The following DHCR24 variants were observed in gnomAD, a reference collection of about 807,000 sequenced individuals.
DHCR24 encodes the protein delta(24)-sterol reductase.
DHCR24 carries 28 observed loss-of-function variants against 61.2 expected under a neutral mutation model. That is an observed-to-expected ratio of 0.46 (90% confidence interval 0.34 to 0.63). DHCR24 has a LOEUF of 0.63. Among genes scored for constraint, DHCR24 ranks in the 20% least tolerant of loss-of-function variants. The probability of loss-of-function intolerance (pLI) is 0.01; values close to 1 mark genes in which losing one functional copy is unlikely to be tolerated. For missense variants in DHCR24, 538 were observed against 679.1 expected, an observed-to-expected ratio of 0.79 and a Z score of 2.31; for synonymous variants, 261 against 275.9, an observed-to-expected ratio of 0.95 and a Z score of 0.54.
intron 6 of DHCR24, among the ~76,000 whole-genome samples, chr1:54,859,534 C>T (rs561196213): frequency 7.0e-4 from 106 of 152,026 alleles, no homozygotes; most frequent in Non-Finnish European, 1.3e-3. Context: ...AGTACACTGG[C>T]GTGATCTTGG....
At chr1:54,878,005 C>CAAA (rs34579917) in intron 2 of DHCR24, among the ~76,000 whole-genome samples, 1 of 111,788 alleles carries the variant, frequency 8.9e-6, no homozygotes, top group African/African-American at 3.2e-5. Flanking sequence ...GACTCTGTCT[C>CAAA]AAAAAAAAAA....
chr1:54,861,737 C>A (rs922811473), intron 6 of DHCR24, among the ~76,000 whole-genome samples: 1 of 152,192 alleles, frequency 6.6e-6, no homozygotes, highest in Non-Finnish European at 1.5e-5. Flanking sequence ...AAACACAGGG[C>A]TGGTCTCACT....
intron 3 of DHCR24, 92 bp from the exon 4 acceptor site, chr1:54,875,303 A>C (rs1169033237): frequency 9.4e-7 from 1 of 1,063,780 alleles, no homozygotes; most frequent in Admixed American, 1.7e-5. Context: ...AGCATGAGGG[A>C]GGTTTGGCAG....
chr1:54,865,192 A>T (rs1251023546), intron 6 of DHCR24, 111 bp downstream of exon 6: 1 of 1,386,038 alleles, frequency 7.2e-7, no homozygotes, highest in African/African-American at 1.4e-5. Flanking sequence ...GTTCCTTAGG[A>T]CAAAGCCACT....
At chr1:54,862,803 G>T (rs1047940815) in intron 6 of DHCR24, among the ~76,000 whole-genome samples, 1 of 152,062 alleles carries the variant, frequency 6.6e-6, no homozygotes, top group Non-Finnish European at 1.5e-5. Context: ...CAGGCCGGGT[G>T]CGGTGGTTCA....
At chr1:54,865,004 G>A (rs1219928681) in intron 6 of DHCR24, among the ~76,000 whole-genome samples, 1 of 152,142 alleles carries the variant, frequency 6.6e-6, no homozygotes, top group African/African-American at 2.4e-5. Context: ...TCTGCTCACC[G>A]TGGCTAGAGG....
Position 54,854,090 on chromosome 1 carries a change from C to A in DHCR24, c.1165G>T (p.Val389Leu). Residue 389 changes from valine (V) to leucine (L), a missense_variant, in exon 7 of 9, where the codon GTG becomes TTG. Coordinates refer to ENST00000371269, the MANE Select transcript of DHCR24 (RefSeq NM_014762.4). ...GCCTGCTGCAGGCACTTCATGGGCA[C>A]CAGCATGTCCTGCACCACGTGGTGC... ...EQHHVVQDML[V>L]PMKCLQQALH... 1 of 1,614,032 alleles carries A rather than the reference C, an allele frequency of 6.2e-7. No homozygotes were observed. The highest frequency in any genetic ancestry group is 2.2e-5 in the East Asian group (1 of 44,880).
Position 54,865,591 on chromosome 1 carries a change from A to T in DHCR24, c.877-145T>A, listed in dbSNP as rs1646964025. ...TATTACTGCCTTTGAGACTCTTGAA[A>T]GCTGGTGAGGTTAGGCACAGCGGGT... On this transcript the variant is annotated intron_variant, in intron 5 of 8. Coordinates refer to ENST00000371269, the MANE Select transcript of DHCR24 (RefSeq NM_014762.4). 4 of 1,136,144 alleles carry T rather than the reference A, an allele frequency of 3.5e-6. No homozygotes were observed. The Admixed American group carries it at 7.5e-5, about 21-fold the overall frequency. The allele number at this position is 1,136,144 out of a possible 1,614,324, so 70.4% of individuals were successfully genotyped here.
intron 4 of DHCR24, among the ~76,000 whole-genome samples, chr1:54,873,018 A>T (rs1409209974): frequency 6.6e-6 from 1 of 152,196 alleles, no homozygotes; most frequent in East Asian, 1.9e-4. Context: ...GGTTATTTAA[A>T]GTGTCACTCC....
chr1:54,859,889 C>G (rs1344916056), intron 6 of DHCR24, among the ~76,000 whole-genome samples: 1 of 152,214 alleles, frequency 6.6e-6, no homozygotes, highest in Non-Finnish European at 1.5e-5. Context: ...TTTCTCTTAA[C>G]AAAACCACAC....
In DHCR24 at chr1:54,864,657, C is replaced by A. The variant is rs539828185; in HGVS notation, c.1020+646G>T. Among the ~76,000 whole-genome samples, 37 of 150,568 alleles carry A rather than the reference C, an allele frequency of 2.5e-4. 1 individual carries two copies. Among genetic ancestry groups the A allele is most frequent in the African/African-American group, 8.8e-4 (36 of 40,816 alleles). ...ATGTACTAAACTACCCTGAACTGTC[C>A]ATTTTATAATGTTTAATTTCCTGTT... On this transcript the variant is annotated intron_variant, in intron 6 of 8. Transcript: ENST00000371269.
At position 54,883,491 on chromosome 1, in the gene DHCR24, C is replaced by G; in HGVS notation, c.387+127G>C. 8.4e-7 allele frequency: 1 copy of G among 1,188,312 alleles called. No individual in the cohort carries two copies. 73.6% of individuals were successfully genotyped at this position (1,188,312 alleles called of 1,614,324 possible). On this transcript the variant is annotated intron_variant, in intron 2 of 8. Transcript: ENST00000371269. This position sits in a 1 kb window ranked among gnomAD's most constrained non-coding sequence, Gnocchi z 4.3. ...GGACAGCAATGGCAGGGAGTATCTT[C>G]TATGACTGTGGGCATTGGTCCTGTC...
Position 54,887,172 on chromosome 1 carries a change from C to G in DHCR24, c.-53G>C, listed in dbSNP as rs1273441340. ...GGGTTCGCGCCTCCTGTCACTGCCG[C>G]CAGCTCCGCGCCTGGCCCGCTCTGC... On this transcript the variant is annotated 5_prime_UTR_variant, in exon 1 of 9. Transcript: ENST00000371269. 2 of 1,466,080 alleles carry G rather than the reference C, an allele frequency of 1.4e-6. No individual in the cohort carries two copies. Among genetic ancestry groups the G allele is most frequent in the Non-Finnish European group, 1.8e-6 (2 of 1,084,302 alleles). The allele number at this position is 1,466,080 out of a possible 1,614,324, so 90.8% of individuals were successfully genotyped here.
Position 54,852,257 on chromosome 1 carries a change from C to T in DHCR24, c.1527G>A (p.Lys509=), listed in dbSNP as rs1248410912. The T allele has an allele frequency of 1.9e-6, 3 of 1,614,226 alleles. No homozygotes were observed. The highest frequency in any genetic ancestry group is 2.5e-6 in the Non-Finnish European group (3 of 1,180,042). The part of the protein sequence containing the change: ...CQDAFPEVYD[K]ICKAARH ...CTCAGTGCCTGGCGGCCTTGCAGAT[C>T]TTGTCGTACACCTCGGGGAAGGCGT... The change falls in exon 9 of 9, where the codon AAG becomes AAA. Residue 509 remains lysine (K), a synonymous_variant. Transcript: ENST00000371269.
intron 2 of DHCR24, among the ~76,000 whole-genome samples, chr1:54,879,322 G>GGAAAAA (rs1647052099): frequency 9.2e-6 from 1 of 108,502 alleles, no homozygotes; most frequent in Non-Finnish European, 1.8e-5. Flanking sequence ...GACTCCATCT[G>GGAAAAA]AAAAAAAAAA....
chr1:54,871,360 T>G lies in DHCR24; in HGVS notation c.866A>C (p.Glu289Ala). Residue 289 changes from glutamate (E) to alanine (A), a missense_variant, in exon 5 of 9, where the codon GAG (glutamate) becomes GCG (alanine). Physicochemically the swap from Glu to Ala is moderately radical, Grantham distance 107. Coordinates refer to ENST00000371269, the MANE Select transcript of DHCR24 (RefSeq NM_014762.4). ...IMTGVMTDEAEPSKLNSIGNY... is the reference protein window; with the variant it reads ...IMTGVMTDEAAPSKLNSIGNY... ...GACACCCTGGCTTACCTTGCTGGGC[T>G]CTGCCTCATCTGTCATGACCCCTGT... 6.2e-7 allele frequency: 1 copy of G among 1,614,104 alleles called. No homozygotes were observed. Among genetic ancestry groups the G allele is most frequent in the Non-Finnish European group, 8.5e-7 (1 of 1,180,008 alleles).
chr1:54,857,963 A>T (rs1325923753), intron 6 of DHCR24, among the ~76,000 whole-genome samples: 2 of 152,190 alleles, frequency 1.3e-5, no homozygotes, highest in Admixed American at 1.3e-4. Context: ...GCCTGGTCAC[A>T]CTTGGTTCAT....
In DHCR24 at chr1:54,871,537, C is replaced by T. The variant is rs139813073; in HGVS notation, c.689G>A (p.Arg230His). The stretch of plus-strand genomic sequence containing the variant: ...GACGTACTTCTTGGCAGGGATGATG[C>T]GGATCTCAGCGGCCACCAGGAAACC... Reference protein sequence around the residue: ...TLGFLVAAEIRIIPAKKYVKL... With the variant: ...TLGFLVAAEIHIIPAKKYVKL... The change falls in exon 5 of 9, where the codon CGC (arginine) becomes CAC (histidine). Residue 230 changes from arginine (R) to histidine (H), a missense_variant. Coordinates refer to ENST00000371269, the MANE Select transcript of DHCR24 (RefSeq NM_014762.4). 6.8e-6 allele frequency: 11 copies of T among 1,614,058 alleles called. No individual in the cohort carries two copies. The highest frequency in any genetic ancestry group is 1.7e-5 in the Admixed American group (1 of 60,002).
intron 5 of DHCR24, among the ~76,000 whole-genome samples, chr1:54,870,755 T>C (rs534913439): frequency 5.8e-4 from 89 of 152,258 alleles, no homozygotes; most frequent in Non-Finnish European, 1.0e-3. Context: ...ACCAAACACA[T>C]TAGCAACACT....
Sources: gnomAD v4.1 joint callset for allele counts (sites outside exome capture counted in the v4.1 genomes callset) on GRCh38, gnomAD v4.1.1 for gene constraint, Gnocchi (gnomAD v3.1) non-coding constraint, MANE v1.5 for transcripts, NCBI Gene and HGNC (gene_info 2026-07-23, HGNC 2026-07-21) for gene names.